Variants in HNRNPR observed in about 807,000 individuals in gnomAD.
HNRNPR encodes heterogeneous nuclear ribonucleoprotein R.
In HNRNPR, 4 loss-of-function variants were observed where a neutral mutation model predicts 70.3. That is an observed-to-expected ratio of 0.06 (90% CI 0.03 to 0.13). The LOEUF (loss-of-function observed/expected upper bound fraction) is 0.13. HNRNPR is among the 10% of genes least tolerant of loss of function. The pLI is 1.00. For missense variants in HNRNPR, 423 were observed against 788.5 expected (o/e 0.54, Z 5.55); for synonymous variants, 241 against 267.6 (o/e 0.90, Z 0.97).
intron 5 of HNRNPR, among the ~76,000 whole-genome samples, chr1:23,326,729 G>A (rs181820459): frequency 7.2e-5 from 11 of 152,176 alleles, no homozygotes; most frequent in South Asian, 2.1e-4. Context: ...AGGTTGCAGC[G>A]AGCTGAGATC....
chr1:23,306,158 C>CT lies in HNRNPR; in HGVS notation c.*4295dup, dbSNP rs1645199855. 4 of 152,114 alleles carry CT rather than the reference C, an allele frequency of 2.6e-5. No homozygotes were observed. The highest frequency in any genetic ancestry group is 7.2e-5 in the African/African-American group (3 of 41,422). The allele number at this position is 152,114 out of a possible 1,614,324, so 9.4% of individuals were successfully genotyped here. On this transcript the variant is annotated 3_prime_UTR_variant, in exon 11 of 11. Transcript: ENST00000302271. ...GAGACTTTTTAAGATTATAAGGTGT[C>CT]TATTTTGCTCACTTAAAATATACCC...
intron 8 of HNRNPR, among the ~76,000 whole-genome samples, chr1:23,317,753 G>A (rs1645604618): frequency 6.6e-6 from 1 of 152,118 alleles, no homozygotes; most frequent in Admixed American, 6.5e-5. Flanking sequence ...GGAGGCCAAG[G>A]CGGGTAGATC....
At chr1:23,333,676 A>C (rs2148452839) in intron 4 of HNRNPR, 45 bp from the exon 5 acceptor site, 504 of 1,054,472 alleles carry the variant, frequency 4.8e-4, no homozygotes, top group Non-Finnish European at 6.8e-4. Flanking sequence ...ACTAAATCTC[A>C]CACACAAGCA....
At chr1:23,342,209 C>A (rs1284536703) in intron 1 of HNRNPR, among the ~76,000 whole-genome samples, 2 of 152,200 alleles carry the variant, frequency 1.3e-5, no homozygotes, top group Non-Finnish European at 2.9e-5. Flanking sequence ...GACAGCTTAT[C>A]GAACATTGTG....
intron 5 of HNRNPR, among the ~76,000 whole-genome samples, chr1:23,324,466 G>A (rs895481717): frequency 1.3e-5 from 2 of 152,164 alleles, no homozygotes; most frequent in South Asian, 4.1e-4. Context: ...TACTTGGGAG[G>A]CTGAGGCAGG....
intron 8 of HNRNPR, among the ~76,000 whole-genome samples, chr1:23,317,553 G>T (rs1052547388): frequency 6.6e-6 from 1 of 152,134 alleles, no homozygotes; most frequent in Non-Finnish European, 1.5e-5. Context: ...TCCTGGCAAC[G>T]CAAGTACAGG....
At chr1:23,312,437 G>C (rs1347865472) in intron 9 of HNRNPR, among the ~76,000 whole-genome samples, 1 of 152,164 alleles carries the variant, frequency 6.6e-6, no homozygotes, top group Non-Finnish European at 1.5e-5. Flanking sequence ...GTCGAGTCAG[G>C]AGGAATATTT....
At chr1:23,336,356 G>A (rs1455293204) in intron 4 of HNRNPR, among the ~76,000 whole-genome samples, 1 of 151,186 alleles carries the variant, frequency 6.6e-6, no homozygotes, top group African/African-American at 2.4e-5. Flanking sequence ...ATGAGGTCAG[G>A]AGATTGAGAC....
Position 23,310,671 on chromosome 1 carries a change from C to T in HNRNPR, c.1685G>A (p.Arg562Gln), listed in dbSNP as rs1645294253. ...QQRGRGSRGS[R>Q]GNRGGNVGGK... The stretch of plus-strand genomic sequence containing the variant: ...TCCTACATTGCCCCCACGATTGCCC[C>T]GAGATCCACGGGAACCACGGCCTCT... Residue 562 changes from arginine (R) to glutamine (Q), a missense_variant, in exon 11 of 11, where the codon CGG becomes CAG. Physicochemically the swap from Arg to Gln is conservative, Grantham distance 43. Coordinates refer to ENST00000302271, the MANE Select transcript of HNRNPR (RefSeq NM_005826.5). The surrounding 1 kb of genome is among the most constrained non-coding windows in gnomAD (Gnocchi z 6.0). 2 of 1,613,578 alleles carry T rather than the reference C, an allele frequency of 1.2e-6. No homozygotes were observed. The highest frequency in any genetic ancestry group is 1.1e-5 in the South Asian group (1 of 91,014).
chr1:23,328,952 C>T (rs1340321607), intron 5 of HNRNPR, among the ~76,000 whole-genome samples: 3 of 152,058 alleles, frequency 2.0e-5, no homozygotes, highest in Non-Finnish European at 4.4e-5. Context: ...GACCCTGCCT[C>T]TATAAAAAAA....
At chr1:23,324,457 A>G (rs1327155750) in intron 5 of HNRNPR, among the ~76,000 whole-genome samples, 1 of 152,110 alleles carries the variant, frequency 6.6e-6, no homozygotes, top group African/African-American at 2.4e-5. Context: ...ACTCCCAGCT[A>G]CTTGGGAGGC....
rs1570116309 is a variant in HNRNPR at position 23,337,763 on chromosome 1, C to T, written c.375G>A (p.Ala125=). The change falls in exon 4 of 11, where the codon GCG becomes GCA. Residue 125 remains alanine, a synonymous_variant. Transcript: ENST00000302271. ...VQESTKGPDE[A]KIKALLERTG... ...CCAAGTCAAGTTTTACCTTGATCTT[C>T]GCTTCATCAGGTCCCTTTGTGGACT... 4.4e-6 allele frequency: 7 copies of T among 1,605,490 alleles called. No individual in the cohort carries two copies. The highest frequency in any genetic ancestry group is 1.1e-5 in the South Asian group (1 of 90,300).
intron 8 of HNRNPR, among the ~76,000 whole-genome samples, chr1:23,317,641 A>T (rs1645601099): frequency 6.6e-6 from 1 of 152,130 alleles, no homozygotes; most frequent in African/African-American, 2.4e-5. Context: ...CAAACATGAC[A>T]ATCTTTTGCC....
intron 4 of HNRNPR, among the ~76,000 whole-genome samples, chr1:23,333,906 CCTA>C (rs1212037535): frequency 6.6e-6 from 1 of 151,950 alleles, no homozygotes; most frequent in Non-Finnish European, 1.5e-5. Context: ...TCCATTTCTC[CCTA>C]CTGTCTTTTC....
At chr1:23,321,820 A>G (rs190161975) in intron 6 of HNRNPR, among the ~76,000 whole-genome samples, 157 bp from the exon 7 acceptor site, 25 of 152,216 alleles carry the variant, frequency 1.6e-4, no homozygotes, top group East Asian at 7.7e-4. Flanking sequence ...TATATTTTAA[A>G]CTTCATTGTT....
At chr1:23,315,761 TA>T (rs1645517766) in intron 8 of HNRNPR, among the ~76,000 whole-genome samples, 1 of 152,160 alleles carries the variant, frequency 6.6e-6, no homozygotes, top group Admixed American at 6.5e-5. Flanking sequence ...TTGCTTCAGA[TA>T]AAGGGCTATC....
chr1:23,340,727 G>A, intron 2 of HNRNPR, 125 bp downstream of exon 2: 1 of 769,556 alleles, frequency 1.3e-6, no homozygotes, highest in Non-Finnish European at 2.0e-6. Context: ...TGAAGGGAAA[G>A]TAACAAACAT....
chr1:23,332,961 A>G (rs1174982573), intron 5 of HNRNPR, among the ~76,000 whole-genome samples: 1 of 152,178 alleles, frequency 6.6e-6, no homozygotes, highest in Non-Finnish European at 1.5e-5. Context: ...AGGTGGGTGG[A>G]TAACTTGAGG....
Position 23,310,495 on chromosome 1 carries a change from G to C in HNRNPR, c.1861C>G (p.Gln621Glu), listed in dbSNP as rs746211957. 6 of 1,611,332 alleles carry C rather than the reference G, an allele frequency of 3.7e-6. No homozygotes were observed. The African/African-American group carries it at 8.0e-5, about 22-fold the overall frequency. ...CCATAAGTATCCTGATAAAATTCCT[G>C]GTTGTCATTATTGTAACCATAGTTA... The part of the protein sequence containing the change: ...SGNYGYNNDN[Q>E]EFYQDTYGQQ... The change falls in exon 11 of 11, where the codon CAG becomes GAG. Residue 621 changes from glutamine to glutamate, a missense_variant. Coordinates refer to ENST00000302271, the MANE Select transcript of HNRNPR (RefSeq NM_005826.5). This position sits in a 1 kb window ranked among gnomAD's most constrained non-coding sequence, Gnocchi z 6.0.
Sources: gnomAD v4.1 joint callset for allele counts (sites outside exome capture counted in the v4.1 genomes callset) on GRCh38, gnomAD v4.1.1 for gene constraint, Gnocchi (gnomAD v3.1) non-coding constraint, MANE v1.5 for transcripts, NCBI Gene and HGNC (gene_info 2026-07-23, HGNC 2026-07-21) for gene names.